The following FBXO16 variants were observed in gnomAD, a reference collection of about 807,000 sequenced individuals.
FBXO16 encodes F-box protein 16.
In FBXO16, 31 loss-of-function variants were observed where a neutral mutation model predicts 41.0. The observed-to-expected ratio is 0.76, with a 90% CI of 0.57 to 1.02. FBXO16 has a LOEUF of 1.02. FBXO16 is among the 50% of genes least tolerant of loss of function. The pLI is 0.00. For missense variants in FBXO16, 361 were observed against 346.2 expected, an observed-to-expected ratio of 1.04 and a Z score of -0.34; for synonymous variants, 133 against 117.8, an observed-to-expected ratio of 1.13 and a Z score of -0.84.
At chr8:28,434,005 G>C (rs1373102832) in intron 7 of FBXO16, among the ~76,000 whole-genome samples, 1 of 145,820 alleles carries the variant, frequency 6.9e-6, no homozygotes, top group Non-Finnish European at 1.5e-5. Flanking sequence ...CTGGTGCCGA[G>C]GCTGGAGTGC....
At chr8:28,471,873 T>C (rs1397080606) in intron 3 of FBXO16, among the ~76,000 whole-genome samples, 1 of 148,448 alleles carries the variant, frequency 6.7e-6, no homozygotes, top group Non-Finnish European at 1.5e-5. Context: ...GGGATGGCCA[T>C]TGAGACTTTG....
intron 7 of FBXO16, among the ~76,000 whole-genome samples, chr8:28,439,094 CAAA>C (rs57234757): frequency 1.5e-3 from 181 of 123,572 alleles, no homozygotes; most frequent in Non-Finnish European, 1.7e-3. Context: ...GAACCTGTCT[CAAA>C]AAAAAAAAAA....
intron 7 of FBXO16, among the ~76,000 whole-genome samples, chr8:28,436,756 T>TTA (rs1220737433): frequency 2.0e-5 from 3 of 152,106 alleles, no homozygotes; most frequent in Non-Finnish European, 2.9e-5. Flanking sequence ...TTATTTTATG[T>TTA]TATATATATA....
intron 4 of FBXO16, among the ~76,000 whole-genome samples, chr8:28,458,321 G>A (rs1211928091): frequency 6.6e-6 from 1 of 152,140 alleles, no homozygotes; most frequent in African/African-American, 2.4e-5. Context: ...AATAGATTCA[G>A]GAAAGGTTAG....
At chr8:28,444,481 CTTT>C (rs1206057786) in intron 7 of FBXO16, among the ~76,000 whole-genome samples, 2 of 106,758 alleles carry the variant, frequency 1.9e-5, no homozygotes, top group Admixed American at 9.5e-5. Flanking sequence ...TTTTTCTTTT[CTTT>C]TTTTTTTTTT....
intron 5 of FBXO16, 65 bp downstream of exon 5, chr8:28,456,701 T>C (rs1803043761): frequency 6.4e-7 from 1 of 1,563,302 alleles, no homozygotes; most frequent in South Asian, 1.2e-5. Context: ...GATCCTTTAT[T>C]CTTAGTTCTA....
intron 3 of FBXO16, among the ~76,000 whole-genome samples, chr8:28,468,307 GA>G (rs1202630100): frequency 1.3e-5 from 2 of 152,058 alleles, no homozygotes; most frequent in Non-Finnish European, 2.9e-5. Flanking sequence ...CCTATTTTTA[GA>G]GTAGTTGTTA....
intron 3 of FBXO16, among the ~76,000 whole-genome samples, chr8:28,469,315 GAAA>G (rs78348990): frequency 7.1e-6 from 1 of 140,588 alleles, no homozygotes; most frequent in African/African-American, 2.6e-5. Flanking sequence ...CCCTGCCTCA[GAAA>G]AAAAAAAAAA....
intron 6 of FBXO16, 113 bp downstream of exon 6, chr8:28,452,131 C>A: frequency 9.5e-7 from 1 of 1,055,064 alleles, no homozygotes; most frequent in Non-Finnish European, 1.3e-6. Context: ...CTTCTATGTA[C>A]TGAAAAGCTT....
At chr8:28,475,816 C>T (rs1803414532) in intron 2 of FBXO16, among the ~76,000 whole-genome samples, 1 of 152,186 alleles carries the variant, frequency 6.6e-6, no homozygotes, top group Admixed American at 6.5e-5. Context: ...CTAACAACAA[C>T]AAGAAAGCTT....
intron 5 of FBXO16, 100 bp downstream of exon 5, chr8:28,456,666 A>G (rs1803043032): frequency 2.9e-5 from 39 of 1,336,950 alleles, no homozygotes; most frequent in Non-Finnish European, 3.7e-5. Context: ...CCTTTGAACT[A>G]CCTCCCTTCC....
In FBXO16 at chr8:28,472,741, G is replaced by C. The variant is rs575632833; in HGVS notation, c.135+1031C>G. On this transcript the variant is annotated intron_variant, in intron 3 of 8. Coordinates refer to ENST00000380254, the MANE Select transcript of FBXO16 (RefSeq NM_172366.4). ...GCCTGGGCAACAAGAGCAAAACTCCGTCTCAAAAAAAGAAAAGAAGGCAAG... is the reference window on the plus strand; with the variant it reads ...GCCTGGGCAACAAGAGCAAAACTCCCTCTCAAAAAAAGAAAAGAAGGCAAG... 2.6e-5 allele frequency among the ~76,000 whole-genome samples: 4 copies of C among 151,994 alleles called. No homozygotes were observed. The East Asian group carries it at 7.7e-4, about 29-fold the overall frequency.
chr8:28,474,145 G>A (rs1396574800), intron 2 of FBXO16, among the ~76,000 whole-genome samples: 1 of 151,722 alleles, frequency 6.6e-6, no homozygotes, highest in Non-Finnish European at 1.5e-5. Flanking sequence ...GCAACATGGT[G>A]AGACTCTATC....
At chr8:28,453,871 A>C (rs1039805702) in intron 5 of FBXO16, among the ~76,000 whole-genome samples, 1 of 152,008 alleles carries the variant, frequency 6.6e-6, no homozygotes, top group Non-Finnish European at 1.5e-5. Flanking sequence ...TGTTTAATAA[A>C]TATTTATTCA....
At chr8:28,442,722 C>A (rs1160542147) in intron 7 of FBXO16, among the ~76,000 whole-genome samples, 1 of 152,124 alleles carries the variant, frequency 6.6e-6, no homozygotes, top group Non-Finnish European at 1.5e-5. Context: ...AGTGGTTAGA[C>A]TAAGTGGTTC....
At position 28,429,624 on chromosome 8, in the gene FBXO16, A is replaced by G. The variant is rs142880595; in HGVS notation, c.844-221T>C. The stretch of plus-strand genomic sequence containing the variant: ...TTACTCCATACTAAGCTGGCAAGTC[A>G]CAGGAGTCAGATCAGAGTCCTTGTC... On this transcript the variant is annotated intron_variant, in intron 7 of 8. Coordinates refer to ENST00000380254, the MANE Select transcript of FBXO16 (RefSeq NM_172366.4). 3.6e-3 allele frequency among the ~76,000 whole-genome samples: 542 copies of G among 151,726 alleles called. 3 individuals are homozygous for G. The highest frequency in any genetic ancestry group is 5.7e-3 in the Non-Finnish European group (386 of 67,908).
chr8:28,445,011 G>A (rs1802841664), intron 7 of FBXO16, among the ~76,000 whole-genome samples: 1 of 151,962 alleles, frequency 6.6e-6, no homozygotes, highest in Non-Finnish European at 1.5e-5. Flanking sequence ...GAGAGGAACT[G>A]AGTCACACCC....
Position 28,459,629 on chromosome 8 carries a change from T to A in FBXO16, c.343-2699A>T, listed in dbSNP as rs1232201655. Among the ~76,000 whole-genome samples the A allele has an allele frequency of 5.2e-4, 63 of 120,624 alleles. 1 individual carries two copies. Among genetic ancestry groups the A allele is most frequent in the African/African-American group, 2.0e-3 (59 of 29,924 alleles). 79.1% of individuals were successfully genotyped at this position (120,624 alleles called of 152,430 possible). A position where few individuals can be genotyped will look rare whatever the true frequency, so the allele number is the denominator to read the frequency against. On this transcript the variant is annotated intron_variant, in intron 4 of 8. Transcript: ENST00000380254. ...GAGCGAGACCCTGTCTCAAAAATAATAATAATAATAATAATAATAATAATA... is the reference window on the plus strand; with the variant it reads ...GAGCGAGACCCTGTCTCAAAAATAAAAATAATAATAATAATAATAATAATA...
intron 5 of FBXO16, among the ~76,000 whole-genome samples, chr8:28,454,563 C>T (rs1347125058): frequency 6.6e-6 from 1 of 150,984 alleles, no homozygotes; most frequent in East Asian, 1.9e-4. Flanking sequence ...CCCATCTCTA[C>T]TAAAAATACA....
Sources: gnomAD v4.1 joint callset for allele counts (sites outside exome capture counted in the v4.1 genomes callset) on GRCh38, gnomAD v4.1.1 for gene constraint, MANE v1.5 for transcripts, NCBI Gene and HGNC (gene_info 2026-07-23, HGNC 2026-07-21) for gene names.